ZNF331: variants seen among roughly 807,000 people sequenced by gnomAD.
ZNF331 encodes C2H2-like zinc finger protein rearranged in thyroid adenomas.
In ZNF331, 2 loss-of-function variants were observed where a neutral mutation model predicts 7.0. That is an observed-to-expected ratio of 0.29 (90% CI 0.12 to 0.90). The LOEUF (loss-of-function observed/expected upper bound fraction) is 0.90, where lower values mean the gene tolerates loss of function less well. Among genes scored for constraint, ZNF331 ranks in the 40% least tolerant of loss-of-function variants. ZNF331 has a pLI of 0.58. For missense variants in ZNF331, 432 were observed against 587.7 expected (o/e 0.74, Z 2.74); for synonymous variants, 196 against 205.4 (o/e 0.95, Z 0.39).
the ZNF331 span, among the ~76,000 whole-genome samples, chr19:53,511,507 A>C: frequency 6.6e-6 from 1 of 152,138 alleles, no homozygotes; most frequent in Non-Finnish European, 1.5e-5. Flanking sequence ...AACTAAATAA[A>C]CTAAATAAAT....
chr19:53,538,448 C>G (rs2087889299), intron 1 of ZNF331, 152 bp downstream of exon 1: 1 of 152,324 alleles, frequency 6.6e-6, no homozygotes, highest in African/African-American at 2.4e-5. Context: ...GCAGCCCGTG[C>G]CTGTGAACCT....
upstream of ZNF331, among the ~76,000 whole-genome samples, chr19:53,517,301 C>T (rs973213005): frequency 6.6e-5 from 10 of 152,274 alleles, no homozygotes; most frequent in African/African-American, 2.4e-4. Context: ...TCATGGGGCA[C>T]TTTGCCAACA....
chr19:53,552,533 C>T (rs376492371), intron 2 of ZNF331, among the ~76,000 whole-genome samples: 6 of 151,378 alleles, frequency 4.0e-5, no homozygotes, highest in South Asian at 4.2e-4. Context: ...GCCTGGGCAG[C>T]ATAGCAAGAC....
upstream of ZNF331, among the ~76,000 whole-genome samples, chr19:53,519,029 C>T (rs1002109756): frequency 5.3e-5 from 8 of 152,204 alleles, no homozygotes; most frequent in East Asian, 3.8e-4. Flanking sequence ...TCCCTGTTGG[C>T]AAAGTGCCCT....
chr19:53,552,451 G>T (rs888938275), intron 2 of ZNF331, among the ~76,000 whole-genome samples: 3 of 152,106 alleles, frequency 2.0e-5, no homozygotes, highest in African/African-American at 7.2e-5. Context: ...GGGTGCAGTG[G>T]CCCTTGCTTG....
intron 2 of ZNF331, among the ~76,000 whole-genome samples, chr19:53,552,753 A>T (rs993803686): frequency 6.6e-6 from 1 of 152,104 alleles, no homozygotes; most frequent in Non-Finnish European, 1.5e-5. Flanking sequence ...AAAACAGCAG[A>T]TGAGTTTCTT....
rs1211105954 is a variant in ZNF331, at chr19:53,573,245, G to A, written c.136+1515G>A. 6.6e-6 allele frequency among the ~76,000 whole-genome samples: 1 copy of A among 151,884 alleles called. No homozygotes were observed. Among genetic ancestry groups the A allele is most frequent in the Non-Finnish European group, 1.5e-5 (1 of 67,976 alleles). On this transcript the variant is annotated intron_variant, in intron 5 of 5. Coordinates refer to ENST00000449416, the MANE Select transcript of ZNF331 (RefSeq NM_001079906.2). This position sits in a 1 kb window ranked among gnomAD's most constrained non-coding sequence, Gnocchi z 4.2. The stretch of plus-strand genomic sequence containing the variant: ...AAAATAATAAAAAATAAGGCCGGGT[G>A]CGGTGGCTCACTCCTGTGATCACAA...
At chr19:53,513,239 C>G in the ZNF331 span, among the ~76,000 whole-genome samples, 35 of 152,062 alleles carry the variant, frequency 2.3e-4, no homozygotes, top group East Asian at 6.6e-3. Context: ...ATACGGCTGA[C>G]GTGCCTTGGC....
intron 3 of ZNF331, among the ~76,000 whole-genome samples, chr19:53,561,878 T>A (rs1354958291): frequency 6.6e-6 from 1 of 151,942 alleles, no homozygotes; most frequent in Non-Finnish European, 1.5e-5. Context: ...CCGGGTGCAA[T>A]GGCTTGTGCC....
chr19:53,504,299 T>A, the ZNF331 span: 1 of 267,928 alleles, frequency 3.7e-6, no homozygotes, highest in African/African-American at 2.2e-5. Context: ...CAAAACCCCC[T>A]AATCTTATCA....
chr19:53,577,117 C>A lies in ZNF331; in HGVS notation c.557C>A (p.Pro186His). 1.9e-6 allele frequency: 3 copies of A among 1,614,118 alleles called. No homozygotes were observed. The highest frequency in any genetic ancestry group is 1.7e-6 in the Non-Finnish European group (2 of 1,180,034). Residue 186 changes from proline (P) to histidine (H), a missense_variant, in exon 6 of 6, where the codon CCC becomes CAC. Physicochemically the swap from Pro to His is moderately conservative, Grantham distance 77 (BLOSUM62 -2). Around this residue, in one of 3 missense-constraint regions of ZNF331, gnomAD observed 312 missense variants for 448.6 expected, o/e 0.70. Coordinates refer to ENST00000449416, the MANE Select transcript of ZNF331 (RefSeq NM_001079906.2). ...QHQKIHTGEK[P>H]YECKDCGKAF... ...CAAAAAATTCATACTGGGGAGAAGC[C>A]CTACGAATGTAAAGACTGTGGGAAG...
chr19:53,538,724 C>T (rs1025553147), intron 1 of ZNF331: 6 of 153,590 alleles, frequency 3.9e-5, no homozygotes, highest in Non-Finnish European at 7.2e-5. Flanking sequence ...GTGTGTGTGA[C>T]AACACAACCT....
At chr19:53,566,433 C>T (rs1329177903) in intron 3 of ZNF331, among the ~76,000 whole-genome samples, 1 of 152,134 alleles carries the variant, frequency 6.6e-6, no homozygotes, top group Non-Finnish European at 1.5e-5. Flanking sequence ...GCTGGGTTTA[C>T]AGGCACCCGC....
intron 2 of ZNF331, among the ~76,000 whole-genome samples, chr19:53,544,757 G>A (rs572138968): frequency 1.3e-5 from 2 of 150,944 alleles, no homozygotes; most frequent in South Asian, 2.1e-4. Context: ...TTTTTGAGAC[G>A]GAGTCTTTCT....
upstream of ZNF331, among the ~76,000 whole-genome samples, chr19:53,520,776 T>C (rs77528442): frequency 0.049 from 7,466 of 152,014 alleles, 224 homozygotes; most frequent in East Asian, 0.15. Flanking sequence ...TCCCGGGTTA[T>C]GAGCTACATT....
chr19:53,504,410 G>A, the ZNF331 span: 1 of 159,084 alleles, frequency 6.3e-6, no homozygotes, highest in African/African-American at 2.4e-5. Context: ...TTAGTGCTGT[G>A]CTTGCCAGCA....
intron 3 of ZNF331, among the ~76,000 whole-genome samples, chr19:53,563,371 C>T (rs1191178095): frequency 6.6e-6 from 1 of 152,112 alleles, no homozygotes; most frequent in African/African-American, 2.4e-5. Context: ...CAGGTGTGAG[C>T]CACCGCACCC....
intron 5 of ZNF331, among the ~76,000 whole-genome samples, 165 bp from the exon 6 acceptor site, chr19:53,576,532 G>GT (rs1416056318): frequency 6.6e-6 from 1 of 151,966 alleles, no homozygotes; most frequent in African/African-American, 2.4e-5. Context: ...TTCTCAGTTA[G>GT]TATTGTACCA....
At chr19:53,568,024 G>A (rs188215680) in intron 3 of ZNF331, among the ~76,000 whole-genome samples, 37 of 152,200 alleles carry the variant, frequency 2.4e-4, no homozygotes, top group African/African-American at 8.4e-4. Context: ...GACAAGGAGG[G>A]CAGATCACGA....
Sources: gnomAD v4.1 joint callset for allele counts (sites outside exome capture counted in the v4.1 genomes callset) on GRCh38, gnomAD v4.1.1 for gene constraint, gnomAD v4.1.1 regional missense constraint, Gnocchi (gnomAD v3.1) non-coding constraint, MANE v1.5 for transcripts, NCBI Gene and HGNC (gene_info 2026-07-23, HGNC 2026-07-21) for gene names.